Variants in RBFOX1 observed in about 807,000 individuals in gnomAD.
The protein encoded by RBFOX1 is RNA binding fox-1 homolog 1.
A neutral mutation model predicts 57.7 loss-of-function variants in RBFOX1; 8 were observed. The ratio of observed to expected loss-of-function variants is 0.14; its 90% CI spans 0.08 to 0.25. The LOEUF (loss-of-function observed/expected upper bound fraction) is 0.25, where lower values mean the gene tolerates loss of function less well. RBFOX1 is among the 10% of genes least tolerant of loss of function. The pLI, the probability that RBFOX1 is intolerant of heterozygous loss-of-function variation, is 1.00. For synonymous variants in RBFOX1, 326 were observed against 222.4 expected, an observed-to-expected ratio of 1.47 and a Z score of -4.15; for missense variants, 611 against 548.5, an observed-to-expected ratio of 1.11 and a Z score of -1.14.
intron 4 of RBFOX1, among the ~76,000 whole-genome samples, chr16:7,326,967 G>C (rs147091813): frequency 7.9e-5 from 12 of 152,238 alleles, no homozygotes; most frequent in African/African-American, 2.9e-4. Context: ...GTCATTGGGT[G>C]AGCAAGAAGA....
chr16:6,945,504 C>A (rs986683506), intron 3 of RBFOX1, among the ~76,000 whole-genome samples: 1 of 151,916 alleles, frequency 6.6e-6, no homozygotes, highest in South Asian at 2.1e-4. Context: ...ATCTAATTCT[C>A]ATTTTTGGAA....
At chr16:6,626,557 C>T (rs1007338212) in intron 2 of RBFOX1, among the ~76,000 whole-genome samples, 22 of 152,066 alleles carry the variant, frequency 1.4e-4, no homozygotes, top group Non-Finnish European at 5.9e-5. Context: ...ATCAGGAGTT[C>T]GAGACCAGCC....
intron 1 of RBFOX1, among the ~76,000 whole-genome samples, chr16:6,298,392 C>G (rs2078390434): frequency 6.6e-6 from 1 of 152,316 alleles, no homozygotes; most frequent in African/African-American, 2.4e-5. Flanking sequence ...CCAAGTATAT[C>G]CCATTGTTAT....
chr16:7,154,387 T>C (rs2152313179), intron 4 of RBFOX1, among the ~76,000 whole-genome samples: 1 of 152,266 alleles, frequency 6.6e-6, no homozygotes, highest in East Asian at 1.9e-4. Flanking sequence ...TGACACACAT[T>C]TCATGTGAAT....
intron 2 of RBFOX1, among the ~76,000 whole-genome samples, chr16:5,552,151 C>T (rs778948884): frequency 6.6e-6 from 1 of 152,142 alleles, no homozygotes; most frequent in African/African-American, 2.4e-5. Flanking sequence ...CAGAACTTAA[C>T]GCAAGCGAGC....
At chr16:7,677,160 C>CACACACACACAG (rs1555762483) in intron 14 of RBFOX1, among the ~76,000 whole-genome samples, 1 of 151,228 alleles carries the variant, frequency 6.6e-6, no homozygotes, top group South Asian at 2.1e-4. Context: ...CACACACACA[C>CACACACACACAG]CGTACAACCT....
chr16:5,781,465 C>T (rs1025865872), intron 3 of RBFOX1, among the ~76,000 whole-genome samples: 5 of 152,176 alleles, frequency 3.3e-5, no homozygotes, highest in South Asian at 2.1e-4. Flanking sequence ...CCAGCTCAGT[C>T]ACTGTGACAA....
intron 4 of RBFOX1, among the ~76,000 whole-genome samples, chr16:5,932,855 C>G (rs931350831): frequency 1.3e-5 from 2 of 152,182 alleles, no homozygotes; most frequent in African/African-American, 4.8e-5. Context: ...ACCCGCCACT[C>G]CCTGCTCCCA....
At chr16:6,826,250 A>G (rs934278591) in intron 3 of RBFOX1, among the ~76,000 whole-genome samples, 1 of 152,096 alleles carries the variant, frequency 6.6e-6, no homozygotes, top group African/African-American at 2.4e-5. Flanking sequence ...GGTGCCTTGT[A>G]CCTGTAATCC....
At chr16:7,134,316 A>T (rs12446536) in intron 4 of RBFOX1, among the ~76,000 whole-genome samples, 1 of 151,978 alleles carries the variant, frequency 6.6e-6, no homozygotes, top group South Asian at 2.1e-4. Flanking sequence ...AAATTCAGAA[A>T]GTAGACTAAG....
intron 4 of RBFOX1, among the ~76,000 whole-genome samples, chr16:5,926,316 G>T (rs2058939797): frequency 6.6e-6 from 1 of 152,168 alleles, no homozygotes; most frequent in Admixed American, 6.5e-5. Context: ...TGTAAAATTG[G>T]TATATTGGAG....
At chr16:6,884,549 T>A (rs556543654) in intron 3 of RBFOX1, among the ~76,000 whole-genome samples, 21 of 152,254 alleles carry the variant, frequency 1.4e-4, no homozygotes, top group African/African-American at 4.6e-4. Context: ...TGTTACATTA[T>A]CATAAGACCT....
chr16:6,184,042 A>C (rs9927942), intron 1 of RBFOX1, among the ~76,000 whole-genome samples: 51,756 of 152,074 alleles, frequency 0.34, 9,114 homozygotes, highest in Middle Eastern at 0.43. Flanking sequence ...AGAAGGCAAA[A>C]GGCATGTTTT....
intron 2 of RBFOX1, among the ~76,000 whole-genome samples, chr16:6,488,905 G>C (rs78858163): frequency 1.3e-5 from 2 of 152,106 alleles, no homozygotes; most frequent in South Asian, 2.1e-4. Flanking sequence ...AACATGGTCT[G>C]ATTTTTCAAG....
intron 4 of RBFOX1, among the ~76,000 whole-genome samples, chr16:7,228,648 T>C (rs1199342865): frequency 6.6e-6 from 1 of 152,248 alleles, no homozygotes; most frequent in Non-Finnish European, 1.5e-5. Flanking sequence ...GAATCTTCTT[T>C]TCTCTTTGCA....
chr16:5,654,844 G>C (rs529939834), intron 3 of RBFOX1, among the ~76,000 whole-genome samples: 1 of 151,166 alleles, frequency 6.6e-6, no homozygotes, highest in East Asian at 1.9e-4. Flanking sequence ...TTCCCTCGTG[G>C]CTTCCATTGT....
chr16:6,610,242 A>G (rs1357142353), intron 2 of RBFOX1, among the ~76,000 whole-genome samples: 2 of 152,176 alleles, frequency 1.3e-5, no homozygotes, highest in Non-Finnish European at 2.9e-5. Context: ...TTGTTTTTAA[A>G]TGTTGTAAAA....
chr16:7,474,720 T>C (rs2062278220), intron 4 of RBFOX1, among the ~76,000 whole-genome samples: 1 of 152,216 alleles, frequency 6.6e-6, no homozygotes, highest in East Asian at 1.9e-4. Flanking sequence ...TTCTTAATTT[T>C]TCTTCTGTAA....
At chr16:6,547,795 G>A (rs113010743) in intron 2 of RBFOX1, among the ~76,000 whole-genome samples, 1 of 151,342 alleles carries the variant, frequency 6.6e-6, no homozygotes, top group African/African-American at 2.4e-5. Context: ...CTCTCAAAAT[G>A]TCATCTTTCC....
Sources: gnomAD v4.1 joint callset for allele counts (sites outside exome capture counted in the v4.1 genomes callset) on GRCh38, gnomAD v4.1.1 for gene constraint, MANE v1.5 for transcripts, NCBI Gene and HGNC (gene_info 2026-07-23, HGNC 2026-07-21) for gene names.